ANKS3: variants seen among roughly 807,000 people sequenced by gnomAD.
ANKS3 encodes the protein ankyrin repeat and sterile alpha motif domain containing 3.
Under a neutral mutation model 80.7 loss-of-function variants are expected in ANKS3, and 62 were observed. That is an observed-to-expected ratio of 0.77 (90% confidence interval 0.63 to 0.95). The LOEUF (loss-of-function observed/expected upper bound fraction) is 0.95, where lower values mean the gene tolerates loss of function less well. Ranked by LOEUF, ANKS3 falls within the 40% of genes least tolerant of loss-of-function variation. The pLI is 0.00. For missense variants in ANKS3, 1,150 were observed against 883.6 expected, an observed-to-expected ratio of 1.30 and a Z score of -3.82; for synonymous variants, 489 against 355.3, an observed-to-expected ratio of 1.38 and a Z score of -4.23.
At chr16:4,699,246 C>T (rs1394252029) in intron 11 of ANKS3, 70 bp from the exon 12 acceptor site, 4 of 1,557,864 alleles carry the variant, frequency 2.6e-6, no homozygotes, top group African/African-American at 1.4e-5. Context: ...TTCCTCCACT[C>T]GGAGCCCCAC....
chr16:4,726,517 C>T (rs1295061441), intron 5 of ANKS3, 142 bp downstream of exon 5: 1 of 810,246 alleles, frequency 1.2e-6, no homozygotes, highest in Non-Finnish European at 1.9e-6. Flanking sequence ...CCTGGAAGGA[C>T]TCTGGTCCTA....
intron 6 of ANKS3, among the ~76,000 whole-genome samples, chr16:4,724,336 G>A (rs901670188): frequency 3.3e-5 from 5 of 152,168 alleles, no homozygotes; most frequent in Non-Finnish European, 7.3e-5. Context: ...GCACACACTT[G>A]CCTACAGACA....
chr16:4,696,648 C>T lies in ANKS3; in HGVS notation c.*260G>A, dbSNP rs2079568214. ...CCCCCAGGGCCCTGCCTGGTATGGG[C>T]CAGGGCAGCCCATGAACTCTGGGCC... On this transcript the variant is annotated 3_prime_UTR_variant, in exon 18 of 18. Transcript: ENST00000304283. 6.6e-6 allele frequency: 2 copies of T among 304,234 alleles called. No homozygotes were observed. Among genetic ancestry groups the T allele is most frequent in the Admixed American group, 4.6e-5 (1 of 21,714 alleles). 18.8% of individuals were successfully genotyped at this position (304,234 alleles called of 1,614,324 possible). A position where few individuals can be genotyped will look rare whatever the true frequency, so the allele number is the denominator to read the frequency against.
chr16:4,712,589 A>C (rs975857653), intron 7 of ANKS3, among the ~76,000 whole-genome samples: 1 of 152,172 alleles, frequency 6.6e-6, no homozygotes, highest in Non-Finnish European at 1.5e-5. Context: ...ATCGTCTCCA[A>C]AGATATGGGA....
intron 1 of ANKS3, among the ~76,000 whole-genome samples, chr16:4,731,892 G>C (rs1596468990): frequency 6.6e-6 from 1 of 152,270 alleles, no homozygotes; most frequent in Middle Eastern, 3.4e-3. Context: ...CTTCCTAGTA[G>C]AATCCTTAGG....
intron 15 of ANKS3, 40 bp downstream of exon 15, chr16:4,697,936 CT>C: frequency 6.8e-7 from 1 of 1,472,424 alleles, no homozygotes. Context: ...GCTCCCCCAC[CT>C]TCCCCTCTGC....
intron 10 of ANKS3, 142 bp from the exon 11 acceptor site, chr16:4,701,276 C>G: frequency 7.0e-7 from 1 of 1,423,218 alleles, no homozygotes; most frequent in Non-Finnish European, 9.6e-7. Flanking sequence ...CGTTCGCTGT[C>G]GTCTGAGAAG....
At chr16:4,714,786 G>A (rs1449635012) in intron 6 of ANKS3, among the ~76,000 whole-genome samples, 1 of 151,972 alleles carries the variant, frequency 6.6e-6, no homozygotes, top group Non-Finnish European at 1.5e-5. Flanking sequence ...GAGGTCAGGA[G>A]ATTGAGACCA....
Position 4,721,387 on chromosome 16 carries a change from C to A in ANKS3, c.573+3363G>T, listed in dbSNP as rs183991504. On this transcript the variant is annotated intron_variant, in intron 6 of 17. Coordinates refer to ENST00000304283, the MANE Select transcript of ANKS3 (RefSeq NM_133450.4). ...ACTTTGGGAGACCGAGGCAGGCGAA[C>A]TGCCTGAGCTCAGGAGTTCAAGACC... is the stretch of plus-strand genomic sequence containing the variant. 1.2e-3 allele frequency among the ~76,000 whole-genome samples: 184 copies of A among 150,450 alleles called. 1 individual carries two copies. Among genetic ancestry groups the A allele is most frequent in the African/African-American group, 4.2e-3 (171 of 41,194 alleles).
chr16:4,705,021 G>C, intron 8 of ANKS3, 74 bp downstream of exon 8: 2 of 1,566,834 alleles, frequency 1.3e-6, no homozygotes, highest in Non-Finnish European at 1.7e-6. Context: ...GAGCCTAAGA[G>C]CTATTCCATT....
intron 6 of ANKS3, 90 bp downstream of exon 6, chr16:4,724,660 A>G (rs1159054822): frequency 2.3e-6 from 3 of 1,282,822 alleles, no homozygotes; most frequent in East Asian, 4.7e-5. Context: ...ATTTCTGTGC[A>G]AAGGAAAATT....
chr16:4,701,390 G>A (rs2079894616), intron 10 of ANKS3, 44 bp downstream of exon 10: 1 of 1,526,684 alleles, frequency 6.6e-7, no homozygotes, highest in East Asian at 2.3e-5. Context: ...AGGCATCCCA[G>A]CCAGGGACCG....
chr16:4,702,663 C>T (rs913249765), intron 8 of ANKS3, among the ~76,000 whole-genome samples: 1 of 152,138 alleles, frequency 6.6e-6, no homozygotes, highest in Non-Finnish European at 1.5e-5. Context: ...CTTAGCGGGC[C>T]TCCTCTGGTC....
At chr16:4,699,203 G>T in intron 11 of ANKS3, 27 bp from the exon 12 acceptor site, 1 of 1,612,662 alleles carries the variant, frequency 6.2e-7, no homozygotes, top group Non-Finnish European at 8.5e-7. Context: ...ACAGGTTGGG[G>T]GAGGTAGTGG....
chr16:4,710,420 T>A (rs886868182), intron 7 of ANKS3, among the ~76,000 whole-genome samples: 1 of 152,134 alleles, frequency 6.6e-6, no homozygotes, highest in Non-Finnish European at 1.5e-5. Flanking sequence ...AGATAAATAT[T>A]TTCCAGGTCA....
At chr16:4,729,118 A>G (rs1490379453) in intron 3 of ANKS3, among the ~76,000 whole-genome samples, 1 of 152,226 alleles carries the variant, frequency 6.6e-6, no homozygotes, top group Admixed American at 6.5e-5. Flanking sequence ...TTCCAAAAAC[A>G]AGATGATCAC....
At chr16:4,724,566 C>T (rs1237348855) in intron 6 of ANKS3, among the ~76,000 whole-genome samples, 184 bp downstream of exon 6, 1 of 152,174 alleles carries the variant, frequency 6.6e-6, no homozygotes, top group African/African-American at 2.4e-5. Context: ...TTTCTACTCA[C>T]CACTGTATCC....
At chr16:4,724,480 G>A (rs1188988115) in intron 6 of ANKS3, among the ~76,000 whole-genome samples, 2 of 152,162 alleles carry the variant, frequency 1.3e-5, no homozygotes, top group Non-Finnish European at 2.9e-5. Context: ...AGGATTATGA[G>A]TGCTATTTAC....
chr16:4,730,789 T>A (rs527640171), intron 2 of ANKS3, among the ~76,000 whole-genome samples: 27 of 151,938 alleles, frequency 1.8e-4, no homozygotes, highest in Non-Finnish European at 3.5e-4. Context: ...GAGGCGGAGG[T>A]TGCGGTGAGC....
Sources: gnomAD v4.1 joint callset for allele counts (sites outside exome capture counted in the v4.1 genomes callset) on GRCh38, gnomAD v4.1.1 for gene constraint, MANE v1.5 for transcripts, NCBI Gene and HGNC (gene_info 2026-07-23, HGNC 2026-07-21) for gene names.